The following EHD1 variants were observed in gnomAD, a reference collection of about 807,000 sequenced individuals.
The protein encoded by EHD1 is EH domain-containing protein 1.
EHD1 carries 19 observed loss-of-function variants against 39.0 expected under a neutral mutation model. The ratio of observed to expected loss-of-function variants is 0.49; its 90% CI spans 0.34 to 0.72. The LOEUF (loss-of-function observed/expected upper bound fraction) is 0.72, where lower values mean the gene tolerates loss of function less well. Among genes scored for constraint, EHD1 ranks in the 30% least tolerant of loss-of-function variants. The pLI is 0.01. For synonymous variants in EHD1, 323 were observed against 331.2 expected (o/e 0.98, Z 0.27); for missense variants, 542 against 751.5 (o/e 0.72, Z 3.26).
At chr11:64,878,874 G>T (rs1180299237), upstream of EHD1, 8 of 1,068,604 alleles carry the variant, frequency 7.5e-6, no homozygotes, top group African/African-American at 3.4e-5. Flanking sequence ...TCGCGAAAGT[G>T]CTGCGGTTAG....
chr11:64,872,982 G>A (rs142684587), intron 2 of EHD1, among the ~76,000 whole-genome samples: 101 of 152,274 alleles, frequency 6.6e-4, no homozygotes, highest in African/African-American at 1.9e-3. Flanking sequence ...CCCTCTTTGA[G>A]TTTGATCTTA....
intron 2 of EHD1, among the ~76,000 whole-genome samples, chr11:64,867,216 C>T (rs554316692): frequency 2.0e-5 from 3 of 152,128 alleles, no homozygotes; most frequent in East Asian, 1.9e-4. Context: ...GTCAGGAGTT[C>T]GAGACCAGCC....
At chr11:64,869,134 C>A (rs1251509190) in intron 2 of EHD1, among the ~76,000 whole-genome samples, 1 of 152,240 alleles carries the variant, frequency 6.6e-6, no homozygotes, top group Non-Finnish European at 1.5e-5. Flanking sequence ...AATGCCTCAT[C>A]CCCCAAATAT....
intron 2 of EHD1, among the ~76,000 whole-genome samples, chr11:64,872,232 G>T (rs563189677): frequency 6.6e-6 from 1 of 152,156 alleles, no homozygotes; most frequent in African/African-American, 2.4e-5. Context: ...AGGCCGAAGC[G>T]GGCAGATCAC....
chr11:64,862,835 C>T (rs113070138), intron 2 of EHD1, among the ~76,000 whole-genome samples: 3,779 of 152,316 alleles, frequency 0.025, 64 homozygotes, highest in Non-Finnish European at 0.039. Context: ...GATCATGCCA[C>T]TGCATTCCAG....
rs202158500 is a variant in EHD1, at chr11:64,854,705, G to T, written c.1233C>A (p.Gly411=). ...ESLMPSQVVK[G]GAFDGTMNGP... is the part of the protein sequence containing the mutation. ...CGTTCATGGTGCCGTCAAAGGCGCC[G>T]CCCTTGACCACCTGGGAAGGCATCA... The change falls in exon 5 of 5, where the codon GGC becomes GGA. Residue 411 remains glycine (G), a synonymous_variant. Coordinates refer to ENST00000320631, the MANE Select transcript of EHD1 (RefSeq NM_006795.4). 1.2e-6 allele frequency: 2 copies of T among 1,613,018 alleles called. No homozygotes were observed. The highest frequency in any genetic ancestry group is 1.7e-5 in the Admixed American group (1 of 60,006).
In EHD1 at chr11:64,860,227, G is replaced by C. The variant is rs1334634628; in HGVS notation, c.612C>G (p.Ile204Met). 1.4e-5 allele frequency: 23 copies of C among 1,614,012 alleles called. No individual in the cohort carries two copies. The highest frequency in any genetic ancestry group is 1.9e-5 in the Non-Finnish European group (23 of 1,180,062). Residue 204 changes from isoleucine to methionine, a missense_variant, in exon 3 of 5, where the codon ATC (isoleucine) becomes ATG (methionine). Coordinates refer to ENST00000320631, the MANE Select transcript of EHD1 (RefSeq NM_006795.4). ...LDISDEFSEV[I>M]KALKNHEDKI... Reference sequence around the variant, plus strand: ...TGTCCTCATGGTTCTTCAGAGCCTTGATCACTTCCGAGAACTCATCGGAGA... The same window carrying C: ...TGTCCTCATGGTTCTTCAGAGCCTTCATCACTTCCGAGAACTCATCGGAGA...
At chr11:64,873,929 G>A (rs1378106253) in intron 2 of EHD1, among the ~76,000 whole-genome samples, 1 of 150,974 alleles carries the variant, frequency 6.6e-6, no homozygotes, top group Non-Finnish European at 1.5e-5. Context: ...CGCCCACCTC[G>A]GCCTCCCAAA....
At chr11:64,871,591 T>C (rs935447621) in intron 2 of EHD1, among the ~76,000 whole-genome samples, 1 of 152,112 alleles carries the variant, frequency 6.6e-6, no homozygotes, top group African/African-American at 2.4e-5. Context: ...GGAAAAGAAA[T>C]GGTCTAGTAA....
chr11:64,876,493 A>G (rs1943886844), intron 1 of EHD1, among the ~76,000 whole-genome samples: 1 of 152,260 alleles, frequency 6.6e-6, no homozygotes. Flanking sequence ...CACCAATGTC[A>G]TCAAAGCACC....
intron 2 of EHD1, among the ~76,000 whole-genome samples, chr11:64,872,578 A>C (rs641699): frequency 6.6e-6 from 1 of 151,812 alleles, no homozygotes; most frequent in Non-Finnish European, 1.5e-5. Flanking sequence ...AGTAAGAAAT[A>C]AAAATACTAG....
chr11:64,867,557 A>G (rs1943781565), intron 2 of EHD1, among the ~76,000 whole-genome samples: 1 of 152,220 alleles, frequency 6.6e-6, no homozygotes, highest in African/African-American at 2.4e-5. Flanking sequence ...TGTCTCTACT[A>G]AAAATACAAA....
At chr11:64,878,947 G>GC (rs150827753), upstream of EHD1, 13 of 1,009,374 alleles carry the variant, frequency 1.3e-5, no homozygotes, top group Admixed American at 5.6e-5. Flanking sequence ...CGGCACCGTG[G>GC]CCCCCCCACA....
At chr11:64,857,876 T>C (rs1048548326) in intron 3 of EHD1, among the ~76,000 whole-genome samples, 53 of 152,230 alleles carry the variant, frequency 3.5e-4, no homozygotes, top group African/African-American at 1.3e-3. Flanking sequence ...TCTACCCTGG[T>C]ACCCCCTGCA....
chr11:64,860,390 T>C lies in EHD1; in HGVS notation c.503-54A>G. On this transcript the variant is annotated intron_variant, in intron 2 of 4. Transcript: ENST00000320631. ...GGCGCCAAGGGACCTGCTGCTCTGATGGCTCTCATCTCCAACCTGGCCTGG... is the reference window on the plus strand; with the variant it reads ...GGCGCCAAGGGACCTGCTGCTCTGACGGCTCTCATCTCCAACCTGGCCTGG... 2.6e-6 allele frequency: 4 copies of C among 1,560,272 alleles called. No individual in the cohort carries two copies. In the South Asian group the frequency reaches 4.7e-5, roughly 18 times the overall value.
At chr11:64,858,158 G>A (rs1218817370) in intron 3 of EHD1, among the ~76,000 whole-genome samples, 1 of 149,440 alleles carries the variant, frequency 6.7e-6, no homozygotes, top group Non-Finnish European at 1.5e-5. Context: ...ACAGGCGTGA[G>A]CCACCATGCC....
At chr11:64,875,519 C>T (rs1262256178) in intron 1 of EHD1, 4 of 152,346 alleles carry the variant, frequency 2.6e-5, no homozygotes, top group Non-Finnish European at 5.9e-5. Flanking sequence ...CGCCACTGCA[C>T]TCCAGCCTGT....
At chr11:64,871,560 C>T (rs1318921643) in intron 2 of EHD1, among the ~76,000 whole-genome samples, 1 of 152,240 alleles carries the variant, frequency 6.6e-6, no homozygotes, top group African/African-American at 2.4e-5. Context: ...ACATCTAAAC[C>T]AAGGCCTCTA....
In EHD1 at chr11:64,878,126, C is replaced by T. The variant is rs753791755; in HGVS notation, c.339G>A (p.Ala113=). ...AGGGGCGCCGCGGGTCCACCACGAGCGCGTTGCCCGGCACCACGCCCTCAG... is the reference window on the plus strand; with the variant it reads ...AGGGGCGCCGCGGGTCCACCACGAGTGCGTTGCCCGGCACCACGCCCTCAG... ...GPTEGVVPGN[A]LVVDPRRPFR... The change falls in exon 1 of 5, where the codon GCG becomes GCA. Residue 113 remains alanine, a synonymous_variant. Transcript: ENST00000320631. 14 of 1,566,184 alleles carry T rather than the reference C, an allele frequency of 8.9e-6. No individual in the cohort carries two copies. The South Asian group carries it at 1.6e-4, about 18-fold the overall frequency.
Sources: gnomAD v4.1 joint callset for allele counts (sites outside exome capture counted in the v4.1 genomes callset) on GRCh38, gnomAD v4.1.1 for gene constraint, MANE v1.5 for transcripts, NCBI Gene and HGNC (gene_info 2026-07-23, HGNC 2026-07-21) for gene names.